The following CLEC19A variants were observed in gnomAD, a reference collection of about 807,000 sequenced individuals.
The protein encoded by CLEC19A is C-type lectin domain containing 19A.
CLEC19A carries 21 observed loss-of-function variants against 26.1 expected under a neutral mutation model. The ratio of observed to expected loss-of-function variants is 0.80; its 90% CI spans 0.57 to 1.16. The LOEUF (loss-of-function observed/expected upper bound fraction) is 1.16. Ranked by LOEUF, CLEC19A falls within the 50% of genes most tolerant of loss-of-function variation. The pLI, the probability that CLEC19A is intolerant of heterozygous loss-of-function variation, is 0.00. For synonymous variants in CLEC19A, 89 were observed against 88.6 expected (o/e 1.00, Z -0.03); for missense variants, 224 against 227.6 (o/e 0.98, Z 0.10).
chr16:19,287,000 C>T (rs966807485), intron 1 of CLEC19A, among the ~76,000 whole-genome samples: 4 of 148,954 alleles, frequency 2.7e-5, no homozygotes, highest in African/African-American at 9.9e-5. Flanking sequence ...TACCTGAAAT[C>T]AAATTTAACT....
intron 2 of CLEC19A, among the ~76,000 whole-genome samples, chr16:19,303,710 T>C (rs1897883570): frequency 6.6e-6 from 1 of 152,200 alleles, no homozygotes; most frequent in African/African-American, 2.4e-5. Context: ...CTAGTGGAAA[T>C]TTTCATTTAT....
Position 19,301,736 on chromosome 16 carries a change from G to GTTTTTTTTTTTTTTTTTTTTT in CLEC19A, c.255-2318_255-2298dup, listed in dbSNP as rs1171248968. Among the ~76,000 whole-genome samples the GTTTTTTTTTTTTTTTTTTTTT allele has an allele frequency of 4.0e-4, 33 of 81,492 alleles. 1 individual carries two copies. Among genetic ancestry groups the GTTTTTTTTTTTTTTTTTTTTT allele is most frequent in the African/African-American group, 1.1e-3 (22 of 20,926 alleles). The allele number at this position is 81,492 out of a possible 152,430, so 53.5% of individuals were successfully genotyped here. A position where few individuals can be genotyped will look rare whatever the true frequency, so the allele number is the denominator to read the frequency against. ...ATGACACCATGCCCAGGTTTTTTTG[G>GTTTTTTTTTTTTTTTTTTTTT]TTTTTTTTTTTTTTTTTTTTTTTTT... On this transcript the variant is annotated intron_variant, in intron 2 of 4. Coordinates refer to ENST00000636231, the MANE Select transcript of CLEC19A (RefSeq NM_001256720.2).
At chr16:19,286,431 G>C (rs1454089081) in intron 1 of CLEC19A, among the ~76,000 whole-genome samples, 1 of 152,160 alleles carries the variant, frequency 6.6e-6, no homozygotes, top group Non-Finnish European at 1.5e-5. Context: ...CGCAGGGAGG[G>C]AGACTTGTCC....
intron 1 of CLEC19A, among the ~76,000 whole-genome samples, chr16:19,291,327 G>T (rs1897578772): frequency 3.3e-5 from 5 of 152,210 alleles, no homozygotes; most frequent in Admixed American, 2.0e-4. Flanking sequence ...ATCAAGATTG[G>T]AGCAAAAGGA....
chr16:19,298,515 A>G, intron 1 of CLEC19A, 158 bp from the exon 2 acceptor site: 2 of 709,368 alleles, frequency 2.8e-6, no homozygotes, highest in Admixed American at 2.9e-5. Context: ...GCAATGAGCT[A>G]TGATCAAACC....
intron 1 of CLEC19A, among the ~76,000 whole-genome samples, chr16:19,287,208 C>G (rs1176250095): frequency 1.3e-5 from 2 of 152,106 alleles, no homozygotes; most frequent in African/African-American, 4.8e-5. Flanking sequence ...GTTCTGGAGG[C>G]TGGGAAGTTC....
At chr16:19,298,960 A>T (rs552779253) in intron 2 of CLEC19A, 122 bp downstream of exon 2, 1 of 1,132,932 alleles carries the variant, frequency 8.8e-7, no homozygotes, top group Non-Finnish European at 1.2e-6. Flanking sequence ...AAAAATGGAG[A>T]TGGAGTCTTG....
rs1197102968 is a variant in CLEC19A at position 19,304,182 on chromosome 16, C to A, written c.348+27C>A. ...TGAGAAAGCAGTGGCCATTGGGCCC[C>A]CTTGGAAGCTCCAGCCAGGATTCTA... On this transcript the variant is annotated intron_variant, in intron 3 of 4. Coordinates refer to ENST00000636231, the MANE Select transcript of CLEC19A (RefSeq NM_001256720.2). 4.6e-6 allele frequency: 7 copies of A among 1,530,100 alleles called. No individual in the cohort carries two copies. The Admixed American group carries it at 1.4e-4, about 30-fold the overall frequency. The allele number at this position is 1,530,100 out of a possible 1,614,324, so 94.8% of individuals were successfully genotyped here. A position where few individuals can be genotyped will look rare whatever the true frequency, so the allele number is the denominator to read the frequency against.
intron 4 of CLEC19A, among the ~76,000 whole-genome samples, chr16:19,307,984 T>G (rs1897993019): frequency 6.6e-6 from 1 of 152,170 alleles, no homozygotes; most frequent in Admixed American, 6.5e-5. Flanking sequence ...CAAGGGGTGA[T>G]GCTTCCATGT....
chr16:19,296,869 A>G (rs907358141), intron 1 of CLEC19A, among the ~76,000 whole-genome samples: 17 of 152,334 alleles, frequency 1.1e-4, no homozygotes, highest in African/African-American at 3.4e-4. Context: ...AGGGACCCCA[A>G]TGATCATCTA....
intron 3 of CLEC19A, among the ~76,000 whole-genome samples, chr16:19,307,319 G>T (rs1036090364): frequency 2.6e-5 from 4 of 152,306 alleles, no homozygotes; most frequent in East Asian, 1.9e-4. Context: ...TAAAGTTCCT[G>T]GCATGGCACA....
At chr16:19,296,046 C>T (rs933076997) in intron 1 of CLEC19A, among the ~76,000 whole-genome samples, 1 of 152,218 alleles carries the variant, frequency 6.6e-6, no homozygotes, top group African/African-American at 2.4e-5. Context: ...CCCAGCAGAG[C>T]TCCTTCCTTT....
rs1031505044 is a variant in CLEC19A at position 19,309,250 on chromosome 16, G to A, written c.*167G>A. The A allele has an allele frequency of 9.6e-6, 5 of 523,206 alleles. No individual in the cohort carries two copies. The Admixed American group carries it at 1.9e-4, about 20-fold the overall frequency. 32.4% of individuals were successfully genotyped at this position (523,206 alleles called of 1,614,324 possible). ...TTATACAGGGTGGTCACTTGGCCAA[G>A]TGTCAGGAAAGCCAGCTCAAATTGG... On this transcript the variant is annotated 3_prime_UTR_variant, in exon 5 of 5. Transcript: ENST00000636231.
chr16:19,300,271 G>A (rs78185091), intron 2 of CLEC19A, among the ~76,000 whole-genome samples: 2,728 of 151,492 alleles, frequency 0.018, 34 homozygotes, highest in Non-Finnish European at 0.028. Flanking sequence ...GAAAGGGGTC[G>A]GGTGCAGTGT....
At position 19,306,617 on chromosome 16, in the gene CLEC19A, T is replaced by C. The variant is rs376646643; in HGVS notation, c.349-928T>C. ...ACCTAATAATAATAATAATAATAAA[T>C]ACAAGAAAATGCCTTTTCTTCTTTT... On this transcript the variant is annotated intron_variant, in intron 3 of 4. Coordinates refer to ENST00000636231, the MANE Select transcript of CLEC19A (RefSeq NM_001256720.2). 7.9e-5 allele frequency among the ~76,000 whole-genome samples: 12 copies of C among 152,204 alleles called. No homozygotes were observed. The South Asian group carries it at 2.5e-3, about 32-fold the overall frequency.
intron 3 of CLEC19A, chr16:19,305,154 C>G (rs1897924499): frequency 6.6e-6 from 1 of 152,398 alleles, no homozygotes; most frequent in South Asian, 2.1e-4. Flanking sequence ...ATCAACTCTG[C>G]TTTCTTCTGG....
At position 19,285,816 on chromosome 16, in the gene CLEC19A, C is replaced by A. The variant is rs1311322584; in HGVS notation, c.-36C>A. On this transcript the variant is annotated 5_prime_UTR_variant, in exon 1 of 5. Coordinates refer to ENST00000636231, the MANE Select transcript of CLEC19A (RefSeq NM_001256720.2). ...CTCCAGCCAAAAAGCCTCTCTCCTC[C>A]ACTCAGGCTGGGAGGTTGCTTTCTA... is the stretch of plus-strand genomic sequence containing the variant. 3 of 1,538,568 alleles carry A rather than the reference C, an allele frequency of 1.9e-6. No homozygotes were observed. The highest frequency in any genetic ancestry group is 2.6e-6 in the Non-Finnish European group (3 of 1,136,446).
At chr16:19,298,578 A>T (rs1284520831) in intron 1 of CLEC19A, 95 bp from the exon 2 acceptor site, 1 of 1,316,540 alleles carries the variant, frequency 7.6e-7, no homozygotes, top group East Asian at 2.5e-5. Context: ...AAAAAAAATT[A>T]AAAGATTGTA....
intron 2 of CLEC19A, among the ~76,000 whole-genome samples, chr16:19,301,735 GGTTTTTTTTTTTTT>G (rs1426586966): frequency 1.1e-4 from 4 of 35,140 alleles, no homozygotes; most frequent in South Asian, 2.1e-3. Context: ...AGGTTTTTTT[GGTTTTTTTTTTTTT>G]TTTTTTTTTT....
Sources: gnomAD v4.1 joint callset for allele counts (sites outside exome capture counted in the v4.1 genomes callset) on GRCh38, gnomAD v4.1.1 for gene constraint, MANE v1.5 for transcripts, NCBI Gene and HGNC (gene_info 2026-07-23, HGNC 2026-07-21) for gene names.